Variants in TPRA1 observed in about 807,000 individuals in gnomAD.
TPRA1 encodes the protein transmembrane protein adipocyte associated 1, also known as transmembrane protein adipocyte-associated 1.
In TPRA1, 28 loss-of-function variants were observed where a neutral mutation model predicts 40.1. The ratio of observed to expected loss-of-function variants is 0.70; its 90% CI spans 0.52 to 0.96. The LOEUF (loss-of-function observed/expected upper bound fraction) is 0.96. Ranked by LOEUF, TPRA1 falls within the 40% of genes least tolerant of loss-of-function variation. The pLI, the probability that TPRA1 is intolerant of heterozygous loss-of-function variation, is 0.00. For missense variants in TPRA1, 441 were observed against 482.6 expected (o/e 0.91, Z 0.81); for synonymous variants, 219 against 209.7 (o/e 1.04, Z -0.38).
At chr3:127,594,974 G>A (rs984436073), upstream of TPRA1, 2 of 152,376 alleles carry the variant, frequency 1.3e-5, no homozygotes, top group Admixed American at 6.5e-5. Context: ...CCTGGAGCAA[G>A]TCCAGCATGA....
At position 127,576,448 on chromosome 3, in the gene TPRA1, A is replaced by G. The variant is rs1271531162; in HGVS notation, c.498+169T>C. On this transcript the variant is annotated intron_variant, in intron 6 of 10. Transcript: ENST00000355552. The surrounding 1 kb of genome is among the most constrained non-coding windows in gnomAD (Gnocchi z 4.6). ...CCTGGCCCACTGGATCCAAATCTCC[A>G]GGGGACCCCAGAATGTGCCTCGGTA... 1.3e-5 allele frequency among the ~76,000 whole-genome samples: 2 copies of G among 152,180 alleles called. No homozygotes were observed. The highest frequency in any genetic ancestry group is 2.4e-5 in the African/African-American group (1 of 41,448).
intron 1 of TPRA1, among the ~76,000 whole-genome samples, chr3:127,583,378 G>C (rs1317590541): frequency 6.6e-6 from 1 of 151,902 alleles, no homozygotes; most frequent in East Asian, 1.9e-4. Context: ...CATACCTGTA[G>C]TCCCAGCTAA....
At chr3:127,575,852 C>T (rs758530362) in intron 7 of TPRA1, 43 bp from the exon 8 acceptor site, 2 of 1,612,336 alleles carry the variant, frequency 1.2e-6, no homozygotes, top group Non-Finnish European at 1.7e-6. Context: ...GGGGCGCCAG[C>T]CCAGACCCAC....
rs763052229 is a variant in TPRA1, at chr3:127,576,909, G to A, written c.346-16C>T. The A allele has an allele frequency of 3.1e-6, 5 of 1,613,718 alleles. No individual in the cohort carries two copies. In the South Asian group the frequency reaches 5.5e-5, roughly 18 times the overall value. ...CCCACAGGATCTGCACGCAGAGTGGGCACAGCGTCAGCCTGGACCAGCATC... is the reference window on the plus strand; with the variant it reads ...CCCACAGGATCTGCACGCAGAGTGGACACAGCGTCAGCCTGGACCAGCATC... On this transcript the variant is annotated splice_polypyrimidine_tract_variant and intron_variant, in intron 4 of 10. Coordinates refer to ENST00000355552, the MANE Select transcript of TPRA1 (RefSeq NM_001136053.4). The surrounding 1 kb of genome is among the most constrained non-coding windows in gnomAD (Gnocchi z 4.6).
upstream of TPRA1, among the ~76,000 whole-genome samples, chr3:127,592,575 C>T (rs531895259): frequency 2.6e-5 from 4 of 151,294 alleles, no homozygotes; most frequent in Non-Finnish European, 4.4e-5. Flanking sequence ...TTAGTAGAGA[C>T]GGGGTTTCAC....
Position 127,576,485 on chromosome 3 carries a change from A to G in TPRA1, c.498+132T>C, listed in dbSNP as rs73858481. On this transcript the variant is annotated intron_variant, in intron 6 of 10. Transcript: ENST00000355552. The surrounding 1 kb of genome is among the most constrained non-coding windows in gnomAD (Gnocchi z 4.6). ...AATGTGCCTCGGTAACAAGCACCCC[A>G]TGTGATTTCTCAGGTGCAAAGTTTT... 9.9e-4 allele frequency: 879 copies of G among 886,770 alleles called. 8 individuals are homozygous for G. The African/African-American group carries it at 0.013, about 13-fold the overall frequency. 54.9% of individuals were successfully genotyped at this position (886,770 alleles called of 1,614,324 possible). A position where few individuals can be genotyped will look rare whatever the true frequency, so the allele number is the denominator to read the frequency against.
At position 127,571,938 on chromosome 3, in the gene TPRA1, T is replaced by C. The variant is rs1430341203; in HGVS notation, c.*1583A>G. 6.6e-6 allele frequency: 1 copy of C among 152,204 alleles called. No homozygotes were observed. The highest frequency in any genetic ancestry group is 1.5e-5 in the Non-Finnish European group (1 of 68,034). The allele number at this position is 152,204 out of a possible 1,614,324, so 9.4% of individuals were successfully genotyped here. A position where few individuals can be genotyped will look rare whatever the true frequency, so the allele number is the denominator to read the frequency against. The stretch of plus-strand genomic sequence containing the variant: ...ACACTGTGCCATCTTGGACTGCATG[T>C]GGATCTGATGGTCAAATCCCTGCTG... On this transcript the variant is annotated 3_prime_UTR_variant, in exon 11 of 11. Transcript: ENST00000355552.
At chr3:127,585,047 G>C (rs975835806) in intron 1 of TPRA1, among the ~76,000 whole-genome samples, 2 of 152,086 alleles carry the variant, frequency 1.3e-5, no homozygotes, top group African/African-American at 4.8e-5. Context: ...GCATGTACTG[G>C]ACAGCTTGCA....
Position 127,575,753 on chromosome 3 carries a change from C to A in TPRA1, c.666G>T (p.Leu222=). The part of the protein sequence containing the change: ...PKTPLKERIS[L]PSRRSFYVYA... ...AGCCGCCGGCCAGCTGCTCACAAGGCAGGGAGATGCGCTCCTTCAGCGGGG... is the reference window on the plus strand; with the variant it reads ...AGCCGCCGGCCAGCTGCTCACAAGGAAGGGAGATGCGCTCCTTCAGCGGGG... The change falls in exon 8 of 11, where the codon CTG becomes CTT. Residue 222 remains leucine, a synonymous_variant. Transcript: ENST00000355552. 1 of 1,613,586 alleles carries A rather than the reference C, an allele frequency of 6.2e-7. No homozygotes were observed. Among genetic ancestry groups the A allele is most frequent in the Non-Finnish European group, 8.5e-7 (1 of 1,179,930 alleles).
In TPRA1 at chr3:127,576,543, T is replaced by TGACCCA; in HGVS notation, c.498+68_498+73dup. Reference sequence around the variant, plus strand: ...CTGAAGGTGATAAAGACTGGAAACCTGACCCAGACCCAGAAGCAGTGGGTG... The same window carrying TGACCCA: ...CTGAAGGTGATAAAGACTGGAAACCTGACCCAGACCCAGACCCAGAAGCAGTGGGTG... On this transcript the variant is annotated intron_variant, in intron 6 of 10. Coordinates refer to ENST00000355552, the MANE Select transcript of TPRA1 (RefSeq NM_001136053.4). The surrounding 1 kb of genome is among the most constrained non-coding windows in gnomAD (Gnocchi z 4.6). 7.0e-7 allele frequency: 1 copy of TGACCCA among 1,429,690 alleles called. No homozygotes were observed. The highest frequency in any genetic ancestry group is 9.5e-7 in the Non-Finnish European group (1 of 1,055,028). 88.6% of individuals were successfully genotyped at this position (1,429,690 alleles called of 1,614,324 possible). A position where few individuals can be genotyped will look rare whatever the true frequency, so the allele number is the denominator to read the frequency against.
chr3:127,583,890 C>T (rs1005485597), intron 1 of TPRA1, among the ~76,000 whole-genome samples: 2 of 151,798 alleles, frequency 1.3e-5, no homozygotes, highest in Non-Finnish European at 2.9e-5. Context: ...AGGATGGTCT[C>T]GATCTCCTGA....
chr3:127,577,011 G>A lies in TPRA1; in HGVS notation c.324C>T (p.Asn108=), dbSNP rs549264406. 137 of 1,613,778 alleles carry A rather than the reference G, an allele frequency of 8.5e-5. 2 individuals are homozygous for A. The South Asian group carries it at 1.1e-3, about 13-fold the overall frequency. The change falls in exon 4 of 11, where the codon AAC becomes AAT. Residue 108 remains asparagine, a synonymous_variant. Coordinates refer to ENST00000355552, the MANE Select transcript of TPRA1 (RefSeq NM_001136053.4). The part of the protein sequence containing the change: ...AVVSMTVSTS[N]AATVADKILW... ...GCACCTTATCAGCAACAGTTGCAGC[G>A]TTCGAGGTGCTCACCGTCATGGATA...
chr3:127,579,057 C>G (rs548238957), intron 3 of TPRA1, among the ~76,000 whole-genome samples: 1 of 152,030 alleles, frequency 6.6e-6, no homozygotes, highest in East Asian at 1.9e-4. Context: ...TATACTGGGA[C>G]AGCCCACACC....
chr3:127,577,072 A>G lies in TPRA1; in HGVS notation c.263T>C (p.Phe88Ser). Residue 88 changes from phenylalanine to serine, a missense_variant, in exon 4 of 11, where the codon TTT (phenylalanine) becomes TCT (serine). By Grantham distance (155) the Phe-to-Ser change is radical. Transcript: ENST00000355552. ...GGCAATGCCCACCAGCGCCACCACA[A>G]ACACCTGGTGGGCAAGGGAGTGGTG... ...PIFITFYILVFVVALVGIARA... is the reference protein window; with the variant it reads ...PIFITFYILVSVVALVGIARA... The G allele has an allele frequency of 6.2e-7, 1 of 1,613,300 alleles. No homozygotes were observed. The highest frequency in any genetic ancestry group is 8.5e-7 in the Non-Finnish European group (1 of 1,179,952).
In TPRA1 at chr3:127,580,167, G is replaced by A. The variant is rs373355682; in HGVS notation, c.-17-4C>T. The A allele has an allele frequency of 1.4e-5, 23 of 1,608,964 alleles. No individual in the cohort carries two copies. In the African/African-American group the frequency reaches 2.5e-4, roughly 18 times the overall value. On this transcript the variant is annotated splice_region_variant and splice_polypyrimidine_tract_variant and intron_variant, in intron 1 of 10. Coordinates refer to ENST00000355552, the MANE Select transcript of TPRA1 (RefSeq NM_001136053.4). ...TCCATCCCGCCAGCAGCCAGCCCTG[G>A]GGGAGTGAGAGCCGCCCAGTGAGCT...
intron 1 of TPRA1, among the ~76,000 whole-genome samples, chr3:127,586,192 T>C (rs1000345902): frequency 6.6e-6 from 1 of 152,200 alleles, no homozygotes; most frequent in Non-Finnish European, 1.5e-5. Context: ...ACGCTGAGCA[T>C]GCAGGAGCTT....
intron 3 of TPRA1, among the ~76,000 whole-genome samples, chr3:127,579,122 T>C (rs1344022074): frequency 6.6e-6 from 1 of 152,220 alleles, no homozygotes; most frequent in African/African-American, 2.4e-5. Flanking sequence ...ACCACAGCCC[T>C]GACACCTCTC....
intron 1 of TPRA1, 43 bp from the exon 2 acceptor site, chr3:127,580,206 C>T: frequency 1.3e-6 from 2 of 1,582,024 alleles, no homozygotes; most frequent in African/African-American, 1.3e-5. Context: ...TGGCCTGGGC[C>T]ACTGTCCTCC....
At chr3:127,589,681 C>G (rs1200527093) in intron 1 of TPRA1, among the ~76,000 whole-genome samples, 1 of 152,096 alleles carries the variant, frequency 6.6e-6, no homozygotes, top group African/African-American at 2.4e-5. Flanking sequence ...CCAGCTCTCT[C>G]CTGACACCTC....
Sources: allele counts gnomAD v4.1 joint callset (sites outside exome capture counted in the v4.1 genomes callset), GRCh38; gene constraint gnomAD v4.1.1; non-coding constraint Gnocchi (gnomAD v3.1); transcripts MANE v1.5; gene names NCBI Gene and HGNC (gene_info 2026-07-23, HGNC 2026-07-21).